Variants in ARID1B observed in about 807,000 individuals in gnomAD.
ARID1B encodes the protein AT-rich interactive domain-containing protein 1B.
A neutral mutation model predicts 212.3 loss-of-function variants in ARID1B; 30 were observed. The ratio of observed to expected loss-of-function variants is 0.14; its 90% CI spans 0.11 to 0.19. The LOEUF (loss-of-function observed/expected upper bound fraction) is 0.19, where lower values mean the gene tolerates loss of function less well. Ranked by LOEUF, ARID1B falls within the 10% of genes least tolerant of loss-of-function variation. The probability of loss-of-function intolerance (pLI) is 1.00; values close to 1 mark genes in which losing one functional copy is unlikely to be tolerated. For synonymous variants in ARID1B, 1,402 were observed against 1,301.7 expected (o/e 1.08, Z -1.66); for missense variants, 2,891 against 3,204.0 (o/e 0.90, Z 2.36).
chr6:156,804,627 T>C (rs1781019020), intron 1 of ARID1B, among the ~76,000 whole-genome samples: 2 of 152,054 alleles, frequency 1.3e-5, no homozygotes, highest in South Asian at 4.1e-4. Flanking sequence ...AACCATCAGA[T>C]TTCGTGAGAA....
At chr6:157,039,666 C>CTTTTCTTTCT in intron 4 of ARID1B, among the ~76,000 whole-genome samples, 1 of 49,412 alleles carries the variant, frequency 2.0e-5, no homozygotes, top group Non-Finnish European at 3.5e-5. Context: ...TCCTTCCTTC[C>CTTTTCTTTCT]TTCCTTCCTT....
chr6:156,896,712 C>T (rs935930705), intron 2 of ARID1B, among the ~76,000 whole-genome samples: 30 of 151,936 alleles, frequency 2.0e-4, no homozygotes, highest in African/African-American at 7.3e-4. Context: ...AACCCCGTCT[C>T]TACTGAAAAT....
chr6:156,813,243 G>A (rs1173422811), intron 1 of ARID1B, among the ~76,000 whole-genome samples: 1 of 149,796 alleles, frequency 6.7e-6, no homozygotes, highest in East Asian at 2.0e-4. Flanking sequence ...AGCTACAACT[G>A]TAGGCGCATG....
intron 1 of ARID1B, among the ~76,000 whole-genome samples, chr6:156,781,840 G>T (rs1031279035): frequency 3.9e-5 from 6 of 151,994 alleles, no homozygotes; most frequent in Non-Finnish European, 7.4e-5. Context: ...AACTAGAGAC[G>T]AATGAAGTTA....
Position 156,778,346 on chromosome 6 carries a change from C to G in ARID1B, c.666C>G (p.Ser222Arg), listed in dbSNP as rs1229372337. 2.6e-6 allele frequency: 4 copies of G among 1,541,470 alleles called. No homozygotes were observed. The highest frequency in any genetic ancestry group is 2.4e-5 in the South Asian group (2 of 83,906). The change falls in exon 1 of 20, where the codon AGC becomes AGG. Residue 222 changes from serine (S) to arginine (R), a missense_variant. Physicochemically the swap from Ser to Arg is moderately radical, Grantham distance 110. This residue lies in a region of ARID1B where 1,643 missense variants were observed against 1,544.0 expected (regional missense o/e 1.06). Transcript: ENST00000636930. Reference protein sequence around the residue: ...QQQHPISNNNSLGGAGGGAPQ... With the variant: ...QQQHPISNNNRLGGAGGGAPQ... The stretch of plus-strand genomic sequence containing the variant: ...AACATCCCATTTCCAACAACAACAG[C>G]TTGGGCGGCGCGGGCGGCGGCGCGC...
At chr6:156,990,793 T>C (rs1778234611) in intron 4 of ARID1B, among the ~76,000 whole-genome samples, 2 of 152,134 alleles carry the variant, frequency 1.3e-5, no homozygotes, top group Non-Finnish European at 2.9e-5. Context: ...TGTCAGGCCT[T>C]TTCCTGACAT....
At chr6:157,047,195 A>C (rs1484946658) in intron 4 of ARID1B, among the ~76,000 whole-genome samples, 1 of 152,156 alleles carries the variant, frequency 6.6e-6, no homozygotes, top group Non-Finnish European at 1.5e-5. Flanking sequence ...TTTTTCTTTA[A>C]AAGTAGTTTA....
At chr6:156,965,844 C>T (rs893295196) in intron 4 of ARID1B, among the ~76,000 whole-genome samples, 1 of 152,088 alleles carries the variant, frequency 6.6e-6, no homozygotes, top group African/African-American at 2.4e-5. Context: ...ATTTATTAAT[C>T]ATTAATAAAT....
At chr6:156,830,859 T>G (rs982570272) in intron 2 of ARID1B, among the ~76,000 whole-genome samples, 1 of 152,200 alleles carries the variant, frequency 6.6e-6, no homozygotes, top group African/African-American at 2.4e-5. Flanking sequence ...TTGTTTATGT[T>G]AAGGCCATTA....
intron 5 of ARID1B, among the ~76,000 whole-genome samples, chr6:157,102,908 T>TTG: frequency 6.6e-6 from 1 of 152,140 alleles, no homozygotes; most frequent in Non-Finnish European, 1.5e-5. Context: ...TCCTGAATGT[T>TTG]TCTTTACTCA....
At chr6:157,020,898 A>C (rs1248856246) in intron 4 of ARID1B, among the ~76,000 whole-genome samples, 1 of 152,212 alleles carries the variant, frequency 6.6e-6, no homozygotes. Flanking sequence ...TTATGGCTAG[A>C]AACGATACAT....
At chr6:157,115,207 G>A (rs1787245215) in intron 6 of ARID1B, among the ~76,000 whole-genome samples, 1 of 152,130 alleles carries the variant, frequency 6.6e-6, no homozygotes, top group Non-Finnish European at 1.5e-5. Context: ...ATTGTACACA[G>A]ATGAAAATAA....
chr6:156,907,704 C>T (rs1429537864), intron 3 of ARID1B, among the ~76,000 whole-genome samples: 3 of 150,288 alleles, frequency 2.0e-5, no homozygotes, highest in Non-Finnish European at 4.4e-5. Context: ...TGAGACCAGC[C>T]TGGTCAACAT....
At chr6:156,966,445 G>T (rs189340572) in intron 4 of ARID1B, among the ~76,000 whole-genome samples, 7 of 143,540 alleles carry the variant, frequency 4.9e-5, no homozygotes, top group African/African-American at 1.8e-4. Context: ...CCAGGCTGGA[G>T]TGCAGTGGTG....
intron 8 of ARID1B, among the ~76,000 whole-genome samples, chr6:157,154,568 GTTTTTTTTTTTGTTTT>G (rs1242433963): frequency 8.4e-6 from 1 of 118,508 alleles, no homozygotes; most frequent in African/African-American, 3.1e-5. Context: ...CTGCTCTTCT[GTTTTTTTTTTTGTTTT>G]TTTTTTTTTT....
chr6:156,895,811 A>C (rs1788339836), intron 2 of ARID1B, among the ~76,000 whole-genome samples: 1 of 152,170 alleles, frequency 6.6e-6, no homozygotes, highest in East Asian at 1.9e-4. Flanking sequence ...TATTTGCTTC[A>C]CATCTTTCTT....
At position 157,200,681 on chromosome 6, in the gene ARID1B, G is replaced by T; in HGVS notation, c.4480-24G>T. 1 of 1,579,370 alleles carries T rather than the reference G, an allele frequency of 6.3e-7. No homozygotes were observed. Among genetic ancestry groups the T allele is most frequent in the South Asian group, 1.2e-5 (1 of 84,978 alleles). On this transcript the variant is annotated intron_variant, in intron 17 of 19. Coordinates refer to ENST00000636930, the MANE Select transcript of ARID1B (RefSeq NM_001374828.1). This position sits in a 1 kb window ranked among gnomAD's most constrained non-coding sequence, Gnocchi z 4.3. The stretch of plus-strand genomic sequence containing the variant: ...TATACCTGTAAGAGCACATCAGGAT[G>T]ATTTGTCTTTCTGTGAATTCCAGAA...
At chr6:157,083,093 T>C (rs1327610628) in intron 4 of ARID1B, among the ~76,000 whole-genome samples, 1 of 152,184 alleles carries the variant, frequency 6.6e-6, no homozygotes, top group Non-Finnish European at 1.5e-5. Context: ...CTTGCTTTTT[T>C]TTGTACTTTC....
At chr6:157,053,080 T>G (rs1022717624) in intron 4 of ARID1B, among the ~76,000 whole-genome samples, 15 of 151,406 alleles carry the variant, frequency 9.9e-5, no homozygotes, top group Middle Eastern at 3.4e-3. Context: ...AATTATTTTA[T>G]TGATTGATTG....
Sources: allele counts gnomAD v4.1 joint callset (sites outside exome capture counted in the v4.1 genomes callset), GRCh38; gene constraint gnomAD v4.1.1; regional missense constraint gnomAD v4.1.1; non-coding constraint Gnocchi (gnomAD v3.1); transcripts MANE v1.5; gene names NCBI Gene and HGNC (gene_info 2026-07-23, HGNC 2026-07-21).